Variants in CASP10 observed in about 807,000 individuals in gnomAD.
CASP10 encodes caspase 10.
CASP10 carries 41 observed loss-of-function variants against 48.5 expected under a neutral mutation model. The observed-to-expected ratio is 0.85, with a 90% CI of 0.66 to 1.10. The LOEUF is 1.10. CASP10 is among the 50% of genes least tolerant of loss of function. The pLI is 0.00. For synonymous variants in CASP10, 232 were observed against 238.4 expected (o/e 0.97, Z 0.25); for missense variants, 614 against 614.5 (o/e 1.00, Z 0.01).
intron 5 of CASP10, among the ~76,000 whole-genome samples, chr2:201,201,620 G>A (rs1440823622): frequency 6.6e-6 from 1 of 152,148 alleles, no homozygotes; most frequent in Non-Finnish European, 1.5e-5. Flanking sequence ...ATGCAGTAGG[G>A]GGATAGTCGT....
chr2:201,193,096 T>C lies in CASP10; in HGVS notation c.554T>C (p.Ile185Thr), dbSNP rs753049035. 1 of 1,613,774 alleles carries C rather than the reference T, an allele frequency of 6.2e-7. No individual in the cohort carries two copies. Among genetic ancestry groups the C allele is most frequent in the Admixed American group, 1.7e-5 (1 of 59,994 alleles). The change falls in exon 4 of 10, where the codon ATA (isoleucine) becomes ACA (threonine). Residue 185 changes from isoleucine (I) to threonine (T), a missense_variant. Ile to Thr is a moderately conservative substitution (Grantham distance 89). Coordinates refer to ENST00000286186, the MANE Select transcript of CASP10 (RefSeq NM_032977.4). ...KTVVPKLLRN[I>T]EKYKREKAIQ... is the part of the protein sequence containing the mutation. ...GTTGTACCTAAACTTTTGAGAAACATAGAGAAATACAAAAGAGAGAAAGGT... is the reference window on the plus strand; with the variant it reads ...GTTGTACCTAAACTTTTGAGAAACACAGAGAAATACAAAAGAGAGAAAGGT...
chr2:201,220,399 T>G lies in CASP10; in HGVS notation c.*2658T>G, dbSNP rs942613708. On this transcript the variant is annotated 3_prime_UTR_variant, in exon 10 of 10. Coordinates refer to ENST00000286186, the MANE Select transcript of CASP10 (RefSeq NM_032977.4). The stretch of plus-strand genomic sequence containing the variant: ...CATACAATGGGTTCCAGGAAAACAA[T>G]GAGCCTTAATAAGCACATTCCTTTC... 1 of 155,770 alleles carries G rather than the reference T, an allele frequency of 6.4e-6. No homozygotes were observed. The highest frequency in any genetic ancestry group is 1.4e-5 in the Non-Finnish European group (1 of 71,528). 9.6% of individuals were successfully genotyped at this position (155,770 alleles called of 1,614,324 possible). A position where few individuals can be genotyped will look rare whatever the true frequency, so the allele number is the denominator to read the frequency against.
At chr2:201,187,024 C>T (rs1944438541) in intron 2 of CASP10, among the ~76,000 whole-genome samples, 1 of 152,142 alleles carries the variant, frequency 6.6e-6, no homozygotes, top group African/African-American at 2.4e-5. Flanking sequence ...GACATAGTGT[C>T]CACATCAGAG....
intron 5 of CASP10, among the ~76,000 whole-genome samples, chr2:201,198,860 T>C (rs1242337812): frequency 6.6e-6 from 1 of 152,196 alleles, no homozygotes; most frequent in Non-Finnish European, 1.5e-5. Context: ...TCTTAAAAAT[T>C]CTTTTATGGC....
chr2:201,192,783 TG>T (rs1290442944), intron 3 of CASP10, among the ~76,000 whole-genome samples, 200 bp from the exon 4 acceptor site: 2 of 152,222 alleles, frequency 1.3e-5, no homozygotes, highest in Non-Finnish European at 2.9e-5. Flanking sequence ...TATATATATT[TG>T]GTATCTGGTA....
chr2:201,202,156 G>A (rs776059587), intron 5 of CASP10, among the ~76,000 whole-genome samples: 3 of 152,142 alleles, frequency 2.0e-5, no homozygotes, highest in Admixed American at 6.6e-5. Flanking sequence ...CGGCCAAATC[G>A]ATTTTTTTGA....
At position 201,220,035 on chromosome 2, in the gene CASP10, T is replaced by C; in HGVS notation, c.*2294T>C. ...TCAGTGGTGCCTGCATTTATAATTA[T>C]TTATGTGAAAGTCAAATTCATGTAC... On this transcript the variant is annotated 3_prime_UTR_variant, in exon 10 of 10. Coordinates refer to ENST00000286186, the MANE Select transcript of CASP10 (RefSeq NM_032977.4). 3.0e-6 allele frequency: 3 copies of C among 985,442 alleles called. No individual in the cohort carries two copies. Among genetic ancestry groups the C allele is most frequent in the Non-Finnish European group, 3.6e-6 (3 of 829,904 alleles). 61.0% of individuals were successfully genotyped at this position (985,442 alleles called of 1,614,324 possible). A position where few individuals can be genotyped will look rare whatever the true frequency, so the allele number is the denominator to read the frequency against.
At chr2:201,196,078 C>G in intron 5 of CASP10, 130 bp downstream of exon 5, 1 of 672,956 alleles carries the variant, frequency 1.5e-6, no homozygotes, top group Non-Finnish European at 2.6e-6. Context: ...ATGGTCTCAC[C>G]ATGGTGATTG....
At position 201,186,917 on chromosome 2, in the gene CASP10, G is replaced by A. The variant is rs548563861; in HGVS notation, c.348-789G>A. Among the ~76,000 whole-genome samples, 275 of 152,180 alleles carry A rather than the reference G, an allele frequency of 1.8e-3. 2 individuals carry two copies. Among genetic ancestry groups the A allele is most frequent in the Non-Finnish European group, 1.2e-3 (81 of 67,990 alleles). On this transcript the variant is annotated intron_variant, in intron 2 of 9. Transcript: ENST00000286186. The stretch of plus-strand genomic sequence containing the variant: ...TGGCCAGGCTGGTCTGGAACTCCTA[G>A]CCTCAAGTGATCCACGCACCTCGGC...
intron 5 of CASP10, chr2:201,200,571 C>T: frequency 1.3e-6 from 2 of 1,586,430 alleles, no homozygotes; most frequent in South Asian, 1.1e-5. Flanking sequence ...GGACATGACA[C>T]AGAGCCGGGA....
intron 4 of CASP10, 138 bp from the exon 5 acceptor site, chr2:201,195,704 A>G (rs1944766245): frequency 2.9e-6 from 2 of 684,074 alleles, no homozygotes; most frequent in Non-Finnish European, 5.3e-6. Flanking sequence ...TTTGAGACGG[A>G]CTCCTACTCT....
chr2:201,207,177 G>T (rs898842423), intron 7 of CASP10, among the ~76,000 whole-genome samples: 1 of 152,108 alleles, frequency 6.6e-6, no homozygotes, highest in Non-Finnish European at 1.5e-5. Context: ...CTGGGCTCTA[G>T]GACTTAAAAA....
At chr2:201,227,384 G>A (rs374576639) in intron 9 of CASP10, among the ~76,000 whole-genome samples, 10 of 152,014 alleles carry the variant, frequency 6.6e-5, no homozygotes, top group African/African-American at 1.9e-4. Context: ...GATCAGTGTT[G>A]CCAAAGCAAG....
chr2:201,223,381 A>G (rs1038447913), downstream of CASP10, among the ~76,000 whole-genome samples: 2 of 152,170 alleles, frequency 1.3e-5, no homozygotes, highest in Non-Finnish European at 2.9e-5. Context: ...GGAGCTTGAA[A>G]GGACCCCAAT....
At chr2:201,205,794 A>G (rs1042215127) in intron 6 of CASP10, 88 bp from the exon 7 acceptor site, 3 of 835,406 alleles carry the variant, frequency 3.6e-6, no homozygotes, top group African/African-American at 1.7e-5. Context: ...GAGAAGCATA[A>G]TTCTCCAGAA....
At position 201,193,092 on chromosome 2, in the gene CASP10, A is replaced by C. The variant is rs200877813; in HGVS notation, c.550A>C (p.Asn184His). Residue 184 changes from asparagine (N) to histidine (H), a missense_variant, in exon 4 of 10, where the codon AAC becomes CAC. Asn to His is a moderately conservative substitution (Grantham distance 68, BLOSUM62 1). Coordinates refer to ENST00000286186, the MANE Select transcript of CASP10 (RefSeq NM_032977.4). ...CKTVVPKLLR[N>H]IEKYKREKAI... ...AACAGTTGTACCTAAACTTTTGAGAAACATAGAGAAATACAAAAGAGAGAA... is the reference window on the plus strand; with the variant it reads ...AACAGTTGTACCTAAACTTTTGAGACACATAGAGAAATACAAAAGAGAGAA... 1 of 1,613,798 alleles carries C rather than the reference A, an allele frequency of 6.2e-7. No homozygotes were observed. The highest frequency in any genetic ancestry group is 8.5e-7 in the Non-Finnish European group (1 of 1,179,838).
intron 6 of CASP10, 47 bp downstream of exon 6, chr2:201,203,813 G>C (rs1945111638): frequency 1.4e-6 from 2 of 1,449,280 alleles, no homozygotes; most frequent in South Asian, 2.3e-5. Flanking sequence ...GGTATGGTAG[G>C]GATAGACATA....
At chr2:201,224,073 G>A (rs1244449701), downstream of CASP10, among the ~76,000 whole-genome samples, 2 of 151,246 alleles carry the variant, frequency 1.3e-5, no homozygotes, top group Non-Finnish European at 2.9e-5. Context: ...CCAGGTTCAT[G>A]CCATTCTCCT....
At chr2:201,216,706 T>C (rs559191918) in intron 9 of CASP10, among the ~76,000 whole-genome samples, 1 of 152,064 alleles carries the variant, frequency 6.6e-6, no homozygotes, top group South Asian at 2.1e-4. Flanking sequence ...CGGCAACCCC[T>C]AAGATGGGGA....
Sources: gnomAD v4.1 joint callset for allele counts (sites outside exome capture counted in the v4.1 genomes callset) on GRCh38, gnomAD v4.1.1 for gene constraint, MANE v1.5 for transcripts, NCBI Gene and HGNC (gene_info 2026-07-23, HGNC 2026-07-21) for gene names.